Variants in RRM2B observed in about 807,000 individuals in gnomAD.
RRM2B encodes the protein ribonucleotide reductase regulatory TP53 inducible subunit M2B.
A neutral mutation model predicts 45.9 loss-of-function variants in RRM2B; 20 were observed. That is an observed-to-expected ratio of 0.44 (90% CI 0.31 to 0.63). RRM2B has a LOEUF of 0.63. Among genes scored for constraint, RRM2B ranks in the 30% least tolerant of loss-of-function variants. RRM2B has a pLI of 0.09. For missense variants in RRM2B, 320 were observed against 414.7 expected, an observed-to-expected ratio of 0.77 and a Z score of 1.98; for synonymous variants, 124 against 132.3, an observed-to-expected ratio of 0.94 and a Z score of 0.43.
At chr8:102,237,038 G>GT (rs1200340349) in intron 1 of RRM2B, among the ~76,000 whole-genome samples, 1 of 151,904 alleles carries the variant, frequency 6.6e-6, no homozygotes, top group Admixed American at 6.5e-5. Context: ...TACACTACTT[G>GT]TAAGTATTAT....
At chr8:102,219,534 C>A (rs1293657171) in intron 5 of RRM2B, among the ~76,000 whole-genome samples, 1 of 152,132 alleles carries the variant, frequency 6.6e-6, no homozygotes, top group Non-Finnish European at 1.5e-5. Flanking sequence ...ATACTGTTTT[C>A]TGCTAAATAC....
intron 2 of RRM2B, among the ~76,000 whole-genome samples, chr8:102,228,163 G>A (rs1271168238): frequency 6.6e-6 from 1 of 152,204 alleles, no homozygotes; most frequent in Admixed American, 6.5e-5. Context: ...GAGGAGAGGA[G>A]AAGAGGAGAA....
intron 2 of RRM2B, among the ~76,000 whole-genome samples, chr8:102,231,728 G>T (rs1811031609): frequency 6.6e-6 from 1 of 152,020 alleles, no homozygotes; most frequent in Admixed American, 6.5e-5. Flanking sequence ...AATTAGCTGG[G>T]CGTGGTGGCT....
chr8:102,230,387 T>G (rs1178852112), intron 2 of RRM2B, among the ~76,000 whole-genome samples: 1 of 152,246 alleles, frequency 6.6e-6, no homozygotes, highest in Non-Finnish European at 1.5e-5. Flanking sequence ...ACATATTACC[T>G]TTGCTAAAAG....
intron 1 of RRM2B, among the ~76,000 whole-genome samples, chr8:102,238,275 A>G (rs1211670989): frequency 6.6e-6 from 1 of 152,194 alleles, no homozygotes; most frequent in East Asian, 1.9e-4. Flanking sequence ...TCAGTTAGTT[A>G]AGGAGCCGGG....
At chr8:102,225,228 CTTTTTTTTTTTTT>C (rs918693739) in intron 3 of RRM2B, among the ~76,000 whole-genome samples, 3 of 87,510 alleles carry the variant, frequency 3.4e-5, no homozygotes, top group South Asian at 4.4e-4. Flanking sequence ...ATAGTATATT[CTTTTTTTTTTTTT>C]TTTTTTTTTT....
At chr8:102,218,718 C>G in intron 6 of RRM2B, 96 bp downstream of exon 6, 1 of 1,041,200 alleles carries the variant, frequency 9.6e-7, no homozygotes, top group Non-Finnish European at 1.4e-6. Context: ...AGAGTGAGAT[C>G]CTGTCTCAAA....
chr8:102,232,809 T>C (rs1057427111), intron 1 of RRM2B, among the ~76,000 whole-genome samples: 1 of 152,236 alleles, frequency 6.6e-6, no homozygotes, highest in Non-Finnish European at 1.5e-5. Flanking sequence ...ATAATACTTA[T>C]CTGAAAACTC....
At chr8:102,223,734 T>TA (rs1257088841) in intron 5 of RRM2B, among the ~76,000 whole-genome samples, 2 of 151,480 alleles carry the variant, frequency 1.3e-5, no homozygotes, top group Non-Finnish European at 2.9e-5. Context: ...AAAATAAACT[T>TA]AAAAGCCAGA....
At chr8:102,229,725 C>T (rs1810996508) in intron 2 of RRM2B, among the ~76,000 whole-genome samples, 1 of 152,094 alleles carries the variant, frequency 6.6e-6, no homozygotes, top group Non-Finnish European at 1.5e-5. Flanking sequence ...GCTGGGATTA[C>T]AGGCACCTGC....
intron 5 of RRM2B, among the ~76,000 whole-genome samples, chr8:102,220,809 A>T (rs1353522958): frequency 6.6e-6 from 1 of 152,238 alleles, no homozygotes; most frequent in East Asian, 1.9e-4. Flanking sequence ...TAGTTATAGA[A>T]GGCTATTCTT....
In RRM2B at chr8:102,238,766, C is replaced by T; in HGVS notation, c.48+61G>A. 6 of 1,613,000 alleles carry T rather than the reference C, an allele frequency of 3.7e-6. No homozygotes were observed. In the South Asian group the frequency reaches 6.6e-5, roughly 18 times the overall value. On this transcript the variant is annotated intron_variant, in intron 1 of 8. Transcript: ENST00000251810. Reference sequence around the variant, plus strand: ...AACATTTCCTACAGCGGTCCTGCAACTTGCAATCTAACGGGCTGGCGTGAC... The same window carrying T: ...AACATTTCCTACAGCGGTCCTGCAATTTGCAATCTAACGGGCTGGCGTGAC...
intron 5 of RRM2B, among the ~76,000 whole-genome samples, chr8:102,223,546 T>C (rs1173903587): frequency 1.3e-5 from 2 of 151,746 alleles, no homozygotes; most frequent in Admixed American, 6.6e-5. Context: ...AATACAAAAA[T>C]AAGCTGAGCG....
At chr8:102,229,828 G>T (rs1810998239) in intron 2 of RRM2B, among the ~76,000 whole-genome samples, 1 of 152,090 alleles carries the variant, frequency 6.6e-6, no homozygotes, top group African/African-American at 2.4e-5. Flanking sequence ...CAAGTGATCT[G>T]CCCACTTTAG....
chr8:102,219,587 T>G (rs1440425698), intron 5 of RRM2B, among the ~76,000 whole-genome samples: 1 of 152,240 alleles, frequency 6.6e-6, no homozygotes, highest in African/African-American at 2.4e-5. Flanking sequence ...AGGCAAGGAC[T>G]TCGTAGAAAT....
intron 5 of RRM2B, chr8:102,219,159 C>T (rs532603832): frequency 7.1e-5 from 41 of 579,660 alleles, no homozygotes; most frequent in African/African-American, 5.6e-4. Context: ...CTCTGTCAGA[C>T]GATGGACTTC....
intron 1 of RRM2B, among the ~76,000 whole-genome samples, chr8:102,233,016 T>C (rs940239617): frequency 1.3e-5 from 2 of 152,232 alleles, no homozygotes; most frequent in Non-Finnish European, 2.9e-5. Flanking sequence ...GTGCCATGCA[T>C]ATATTTTTAA....
At chr8:102,229,131 T>C (rs906461886) in intron 2 of RRM2B, among the ~76,000 whole-genome samples, 7 of 152,176 alleles carry the variant, frequency 4.6e-5, no homozygotes, top group African/African-American at 1.7e-4. Context: ...CGCATGCCTG[T>C]AGTCCCAGCT....
chr8:102,214,326 A>C lies in RRM2B; in HGVS notation c.685-168T>G, dbSNP rs28928606. 3 of 647,712 alleles carry C rather than the reference A, an allele frequency of 4.6e-6. No individual in the cohort carries two copies. In the Admixed American group the frequency reaches 7.2e-5, roughly 15 times the overall value. The allele number at this position is 647,712 out of a possible 1,614,324, so 40.1% of individuals were successfully genotyped here. On this transcript the variant is annotated intron_variant, in intron 6 of 8. Coordinates refer to ENST00000251810, the MANE Select transcript of RRM2B (RefSeq NM_015713.5). ...AACTTCCTTCTTTCAAATCTCATTA[A>C]ATGCCAATACAATAACCTATAATAA...
Sources: gnomAD v4.1 joint callset for allele counts (sites outside exome capture counted in the v4.1 genomes callset) on GRCh38, gnomAD v4.1.1 for gene constraint, MANE v1.5 for transcripts, NCBI Gene and HGNC (gene_info 2026-07-23, HGNC 2026-07-21) for gene names.